Variants in CDH13 observed in about 807,000 individuals in gnomAD.
CDH13 encodes cadherin 13.
CDH13 carries 24 observed loss-of-function variants against 63.8 expected under a neutral mutation model. The ratio of observed to expected loss-of-function variants is 0.38; its 90% CI spans 0.27 to 0.53. The LOEUF (loss-of-function observed/expected upper bound fraction) is 0.53, where lower values mean the gene tolerates loss of function less well. Ranked by LOEUF, CDH13 falls within the 20% of genes least tolerant of loss-of-function variation. The pLI is 0.85. For synonymous variants in CDH13, 503 were observed against 355.3 expected (o/e 1.42, Z -4.67); for missense variants, 1,049 against 903.1 (o/e 1.16, Z -2.07).
At chr16:83,171,621 T>C (rs992414327) in intron 4 of CDH13, 84 of 1,429,182 alleles carry the variant, frequency 5.9e-5, no homozygotes, top group Non-Finnish European at 7.3e-5. Flanking sequence ...ATTTCCTTGT[T>C]TGTGTCTCCA....
At chr16:82,936,448 A>T (rs2042669877) in intron 2 of CDH13, among the ~76,000 whole-genome samples, 1 of 152,006 alleles carries the variant, frequency 6.6e-6, no homozygotes, top group South Asian at 2.1e-4. Context: ...AACAGTTTCA[A>T]CCCGAATCCA....
Position 83,077,758 on chromosome 16 carries a change from T to C in CDH13, c.366+45540T>C, listed in dbSNP as rs912051158. On this transcript the variant is annotated intron_variant, in intron 3 of 13. Transcript: ENST00000567109. ...TAAAAGGGTATGTCATGGGGTAGAC[T>C]CATATTGAGTGTTATCAGAAGTGTT... Among the ~76,000 whole-genome samples, 3 of 152,198 alleles carry C rather than the reference T, an allele frequency of 2.0e-5. No individual in the cohort carries two copies. The East Asian group carries it at 5.8e-4, about 29-fold the overall frequency.
chr16:83,087,276 GA>G (rs2033651163), intron 3 of CDH13, among the ~76,000 whole-genome samples: 1 of 152,082 alleles, frequency 6.6e-6, no homozygotes, highest in Non-Finnish European at 1.5e-5. Context: ...AACAATGTTG[GA>G]AAAAGTCTGA....
At chr16:82,890,694 C>A (rs1346650570) in intron 2 of CDH13, among the ~76,000 whole-genome samples, 1 of 151,018 alleles carries the variant, frequency 6.6e-6, no homozygotes, top group Non-Finnish European at 1.5e-5. Flanking sequence ...CTCTGTAGCC[C>A]AGGCTAGAGT....
Position 83,754,129 on chromosome 16 carries a change from C to G in CDH13, c.1681+5879C>G, listed in dbSNP as rs534522496. ...CTCTGTGGACAAATGCCCTAAAGGA[C>G]AGAGTGAAATCTCCTTGGGTCTCAC... is the stretch of plus-strand genomic sequence containing the variant. On this transcript the variant is annotated intron_variant, in intron 11 of 13. Coordinates refer to ENST00000567109, the MANE Select transcript of CDH13 (RefSeq NM_001257.5). Among the ~76,000 whole-genome samples the G allele has an allele frequency of 2.0e-5, 3 of 152,170 alleles. No homozygotes were observed. The South Asian group carries it at 6.2e-4, about 32-fold the overall frequency.
rs933873064 is a variant in CDH13 at position 83,381,016 on chromosome 16, C to T, written c.781+36010C>T. Among the ~76,000 whole-genome samples the T allele has an allele frequency of 5.3e-5, 8 of 152,098 alleles. No individual in the cohort carries two copies. The South Asian group carries it at 1.7e-3, about 32-fold the overall frequency. On this transcript the variant is annotated intron_variant, in intron 6 of 13. Transcript: ENST00000567109. Reference sequence around the variant, plus strand: ...TTTCTATAATTAAATAACTATGTTCCTATCCATTTAAAATACATGGTTTTA... The same window carrying T: ...TTTCTATAATTAAATAACTATGTTCTTATCCATTTAAAATACATGGTTTTA...
At chr16:83,462,968 G>A (rs1010628850) in intron 6 of CDH13, among the ~76,000 whole-genome samples, 6 of 152,116 alleles carry the variant, frequency 3.9e-5, no homozygotes, top group African/African-American at 1.4e-4. Flanking sequence ...TGGTCTTGTA[G>A]CTGAGACTGA....
chr16:83,746,360 T>C (rs1321005901), intron 10 of CDH13, among the ~76,000 whole-genome samples: 1 of 151,992 alleles, frequency 6.6e-6, no homozygotes, highest in Non-Finnish European at 1.5e-5. Context: ...GTGTCTCAAA[T>C]CTCCTCTGCC....
At chr16:82,890,397 C>T (rs1301036614) in intron 2 of CDH13, among the ~76,000 whole-genome samples, 1 of 152,092 alleles carries the variant, frequency 6.6e-6, no homozygotes, top group African/African-American at 2.4e-5. Flanking sequence ...TTGGAAGGCC[C>T]CAGACTTAAT....
intron 3 of CDH13, among the ~76,000 whole-genome samples, chr16:83,061,874 C>G (rs2031583550): frequency 6.6e-6 from 1 of 152,216 alleles, no homozygotes; most frequent in African/African-American, 2.4e-5. Flanking sequence ...ATGCTAATGT[C>G]AGCCCTGAGA....
At chr16:82,732,058 C>T (rs895915204) in intron 1 of CDH13, among the ~76,000 whole-genome samples, 6 of 152,096 alleles carry the variant, frequency 3.9e-5, no homozygotes, top group African/African-American at 1.4e-4. Flanking sequence ...CCTTCAGTAC[C>T]AAATGAGTTC....
chr16:83,713,865 T>A (rs1394536667), intron 10 of CDH13, among the ~76,000 whole-genome samples: 1 of 152,236 alleles, frequency 6.6e-6, no homozygotes, highest in Non-Finnish European at 1.5e-5. Context: ...CTTGACTGCC[T>A]TCCTCATTGT....
chr16:83,111,929 A>T (rs963945348), intron 3 of CDH13, among the ~76,000 whole-genome samples: 6 of 152,188 alleles, frequency 3.9e-5, no homozygotes, highest in Admixed American at 2.0e-4. Flanking sequence ...ACATATTTAG[A>T]TCTAAGCCAC....
intron 7 of CDH13, among the ~76,000 whole-genome samples, chr16:83,566,792 G>A (rs7201194): frequency 0.33 from 49,638 of 151,930 alleles, 8,255 homozygotes; most frequent in African/African-American, 0.38. Context: ...TGTTCTTTGC[G>A]TGTTGCTTCC....
intron 3 of CDH13, among the ~76,000 whole-genome samples, chr16:83,094,004 G>A (rs1408681091): frequency 6.6e-6 from 1 of 152,192 alleles, no homozygotes; most frequent in East Asian, 1.9e-4. Flanking sequence ...TTTGAGGTGA[G>A]CTTTTATGAA....
At chr16:82,938,971 A>C (rs1321631171) in intron 2 of CDH13, among the ~76,000 whole-genome samples, 1 of 152,174 alleles carries the variant, frequency 6.6e-6, no homozygotes, top group Admixed American at 6.5e-5. Flanking sequence ...CATACACAGG[A>C]AGATTCATCT....
At chr16:82,757,981 A>G (rs1392952506) in intron 1 of CDH13, among the ~76,000 whole-genome samples, 2 of 152,072 alleles carry the variant, frequency 1.3e-5, no homozygotes, top group Admixed American at 6.6e-5. Flanking sequence ...CTATCAATCC[A>G]TTCTGAGGCT....
At chr16:83,697,868 A>C in intron 10 of CDH13, among the ~76,000 whole-genome samples, 1 of 152,176 alleles carries the variant, frequency 6.6e-6, no homozygotes, top group Non-Finnish European at 1.5e-5. Context: ...GCTGATCTCA[A>C]ACTCCTGGCC....
chr16:82,671,439 T>C (rs1913229260), intron 1 of CDH13, among the ~76,000 whole-genome samples: 1 of 152,204 alleles, frequency 6.6e-6, no homozygotes, highest in Admixed American at 6.5e-5. Flanking sequence ...TTAAGCAAAA[T>C]CACATTTATA....
Sources: gnomAD v4.1 joint callset for allele counts (sites outside exome capture counted in the v4.1 genomes callset) on GRCh38, gnomAD v4.1.1 for gene constraint, MANE v1.5 for transcripts, NCBI Gene and HGNC (gene_info 2026-07-23, HGNC 2026-07-21) for gene names.